The following ACTN1 variants were observed in gnomAD, a reference collection of about 807,000 sequenced individuals.
The protein encoded by ACTN1 is actinin alpha 1, also known as alpha-actinin-1.
ACTN1 carries 30 observed loss-of-function variants against 119.6 expected under a neutral mutation model. The observed-to-expected ratio is 0.25, with a 90% CI of 0.19 to 0.34. The LOEUF (loss-of-function observed/expected upper bound fraction) is 0.34, where lower values mean the gene tolerates loss of function less well. Among genes scored for constraint, ACTN1 ranks in the 10% least tolerant of loss-of-function variants. The probability of loss-of-function intolerance (pLI) is 1.00; values close to 1 mark genes in which losing one functional copy is unlikely to be tolerated. For synonymous variants in ACTN1, 429 were observed against 472.6 expected (o/e 0.91, Z 1.20); for missense variants, 764 against 1,223.4 (o/e 0.62, Z 5.60).
chr14:68,957,151 T>C (rs77188993), intron 1 of ACTN1, among the ~76,000 whole-genome samples: 85 of 152,346 alleles, frequency 5.6e-4, no homozygotes, highest in African/African-American at 1.9e-3. Context: ...TGCAACTATG[T>C]GTCAGATGGG....
rs2031432027 is a variant in ACTN1 at position 68,880,773 on chromosome 14, CG to C, written c.2133+36del. The C allele has an allele frequency of 3.1e-6, 5 of 1,603,678 alleles. No homozygotes were observed. Among genetic ancestry groups the C allele is most frequent in the Non-Finnish European group, 4.3e-6 (5 of 1,172,728 alleles). ...CCAGGAGAAAGAGCAGAAGGGGCCA[CG>C]GGCTCCCGAAGAGGAACAAGGCCAG... On this transcript the variant is annotated intron_variant, in intron 17 of 21. Coordinates refer to ENST00000394419, the MANE Select transcript of ACTN1 (RefSeq NM_001130004.2). This position sits in a 1 kb window ranked among gnomAD's most constrained non-coding sequence, Gnocchi z 4.6.
At chr14:68,907,451 C>T (rs1361310935) in intron 6 of ACTN1, among the ~76,000 whole-genome samples, 1 of 151,802 alleles carries the variant, frequency 6.6e-6, no homozygotes, top group African/African-American at 2.4e-5. Flanking sequence ...GTAATCCCAG[C>T]TACTGAGGAG....
At position 68,885,191 on chromosome 14, in the gene ACTN1, C is replaced by A. The variant is rs1011370420; in HGVS notation, c.1385+234G>T. Among the ~76,000 whole-genome samples the A allele has an allele frequency of 3.9e-5, 6 of 152,160 alleles. No individual in the cohort carries two copies. The highest frequency in any genetic ancestry group is 3.9e-4 in the Admixed American group (6 of 15,282). ...AGAACCAAGTCTTGGTCACCCTCTG[C>A]TCCTGTACTAGCTACAGGCGAGAAC... is the stretch of plus-strand genomic sequence containing the variant. On this transcript the variant is annotated intron_variant, in intron 12 of 21. Coordinates refer to ENST00000394419, the MANE Select transcript of ACTN1 (RefSeq NM_001130004.2). The surrounding 1 kb of genome is among the most constrained non-coding windows in gnomAD (Gnocchi z 5.6).
At chr14:68,886,500 A>T (rs1014019225) in intron 11 of ACTN1, 1 of 152,276 alleles carries the variant, frequency 6.6e-6, no homozygotes, top group Admixed American at 6.5e-5. Context: ...TAAAATATTT[A>T]GCAGCACATG....
In ACTN1 at chr14:68,917,709, G is replaced by C. The variant is rs529132804; in HGVS notation, c.340+3297C>G. Among the ~76,000 whole-genome samples the C allele has an allele frequency of 1.1e-4, 16 of 152,312 alleles. No homozygotes were observed. In the East Asian group the frequency reaches 3.1e-3, roughly 29 times the overall value. ...ATGGGAGTGGATGATTTCACTCCTGGAAGCCACAGCTGAAAACACTGGCTC... is the reference window on the plus strand; with the variant it reads ...ATGGGAGTGGATGATTTCACTCCTGCAAGCCACAGCTGAAAACACTGGCTC... On this transcript the variant is annotated intron_variant, in intron 3 of 21. Coordinates refer to ENST00000394419, the MANE Select transcript of ACTN1 (RefSeq NM_001130004.2).
intron 1 of ACTN1, among the ~76,000 whole-genome samples, chr14:68,937,599 C>G (rs1017936327): frequency 6.6e-6 from 1 of 152,190 alleles, no homozygotes; most frequent in Non-Finnish European, 1.5e-5. Context: ...ATTAAGACAG[C>G]AAACTGCTAA....
chr14:68,963,198 T>A (rs2036596423), intron 1 of ACTN1, among the ~76,000 whole-genome samples: 1 of 145,738 alleles, frequency 6.9e-6, no homozygotes, highest in Non-Finnish European at 1.6e-5. Flanking sequence ...CTCCAGGAAG[T>A]CCTACCTGTC....
At chr14:68,935,532 C>T (rs556750702) in intron 1 of ACTN1, among the ~76,000 whole-genome samples, 27 of 151,546 alleles carry the variant, frequency 1.8e-4, no homozygotes, top group African/African-American at 6.1e-4. Context: ...ACTACAGGCG[C>T]GTGCCACCAC....
At chr14:68,966,652 G>A (rs922029305) in intron 1 of ACTN1, among the ~76,000 whole-genome samples, 2 of 152,188 alleles carry the variant, frequency 1.3e-5, no homozygotes, top group Admixed American at 1.3e-4. Flanking sequence ...CAGGAGGCAG[G>A]TGAAAGCTTT....
At chr14:68,898,062 C>A (rs545372045) in intron 8 of ACTN1, among the ~76,000 whole-genome samples, 2 of 152,366 alleles carry the variant, frequency 1.3e-5, no homozygotes, top group African/African-American at 4.8e-5. Flanking sequence ...CTTGTGACTG[C>A]ACCTGCCCTG....
At chr14:68,939,157 G>A (rs2035674972) in intron 1 of ACTN1, among the ~76,000 whole-genome samples, 1 of 152,202 alleles carries the variant, frequency 6.6e-6, no homozygotes, top group African/African-American at 2.4e-5. Context: ...CCTGGTACAG[G>A]TGGAACCTAT....
intron 1 of ACTN1, among the ~76,000 whole-genome samples, chr14:68,972,587 C>G (rs141717717): frequency 1.0e-3 from 158 of 152,372 alleles, no homozygotes; most frequent in African/African-American, 3.5e-3. Context: ...GAAACCACCA[C>G]TACTATCCAA....
chr14:68,972,665 C>T (rs185908479), intron 1 of ACTN1, among the ~76,000 whole-genome samples: 4 of 152,324 alleles, frequency 2.6e-5, no homozygotes, highest in South Asian at 4.1e-4. Context: ...GTTCTACCCA[C>T]GCAAGCATTT....
intron 8 of ACTN1, among the ~76,000 whole-genome samples, chr14:68,894,980 C>T (rs1274650411): frequency 6.6e-6 from 1 of 151,960 alleles, no homozygotes; most frequent in African/African-American, 2.4e-5. Context: ...CTCGAATCCG[C>T]CCACCAAATC....
chr14:68,962,112 G>C (rs903801723), intron 1 of ACTN1, among the ~76,000 whole-genome samples: 1 of 152,218 alleles, frequency 6.6e-6, no homozygotes, highest in Admixed American at 6.5e-5. Flanking sequence ...AACTAGGCTA[G>C]CAGCTTCCCC....
At chr14:68,969,081 C>T (rs1483368711) in intron 1 of ACTN1, among the ~76,000 whole-genome samples, 2 of 152,162 alleles carry the variant, frequency 1.3e-5, no homozygotes, top group Admixed American at 6.5e-5. Context: ...GGGTGGCACA[C>T]GGGCCCACTA....
At chr14:68,969,835 A>G (rs1000164318) in intron 1 of ACTN1, among the ~76,000 whole-genome samples, 54 of 152,248 alleles carry the variant, frequency 3.5e-4, no homozygotes, top group African/African-American at 1.3e-3. Flanking sequence ...ATAGAGTCTG[A>G]TTTTAAGAAC....
intron 1 of ACTN1, among the ~76,000 whole-genome samples, chr14:68,932,513 C>CTGTTTTTTTTTTTTT (rs1478095805): frequency 1.1e-5 from 1 of 87,302 alleles, no homozygotes. Context: ...ATACACCCAG[C>CTGTTTTTTTTTTTTT]TTTTTTTTTT....
At chr14:68,939,592 C>T (rs2035694526) in intron 1 of ACTN1, among the ~76,000 whole-genome samples, 1 of 152,064 alleles carries the variant, frequency 6.6e-6, no homozygotes. Flanking sequence ...CTAGGAAGAC[C>T]GAAAGCGGCT....
Sources: allele counts gnomAD v4.1 joint callset (sites outside exome capture counted in the v4.1 genomes callset), GRCh38; gene constraint gnomAD v4.1.1; non-coding constraint Gnocchi (gnomAD v3.1); transcripts MANE v1.5; gene names NCBI Gene and HGNC (gene_info 2026-07-23, HGNC 2026-07-21).